RERG: variants seen among roughly 807,000 people sequenced by gnomAD.
RERG encodes ras-related and estrogen-regulated growth inhibitor.
A neutral mutation model predicts 23.2 loss-of-function variants in RERG; 25 were observed. The observed-to-expected ratio is 1.08, with a 90% CI of 0.79 to 1.50. The LOEUF is 1.50. RERG is among the 40% of genes most tolerant of loss of function. RERG has a pLI of 0.00. For missense variants in RERG, 253 were observed against 250.1 expected, an observed-to-expected ratio of 1.01 and a Z score of -0.08; for synonymous variants, 81 against 89.1, an observed-to-expected ratio of 0.91 and a Z score of 0.51.
In RERG at chr12:15,169,812, A is replaced by G. The variant is rs1591656480; in HGVS notation, c.61+47617T>C. ...TGGCCAGTACTAAACTTTGACTCTTAATGATTAAACCACACTCTTTAGGGA... is the reference window on the plus strand; with the variant it reads ...TGGCCAGTACTAAACTTTGACTCTTGATGATTAAACCACACTCTTTAGGGA... On this transcript the variant is annotated intron_variant, in intron 2 of 4. Coordinates refer to ENST00000256953, the MANE Select transcript of RERG (RefSeq NM_032918.3). Among the ~76,000 whole-genome samples, 3 of 152,228 alleles carry G rather than the reference A, an allele frequency of 2.0e-5. No homozygotes were observed. The South Asian group carries it at 6.2e-4, about 32-fold the overall frequency.
intron 2 of RERG, among the ~76,000 whole-genome samples, chr12:15,166,710 T>C (rs967911091): frequency 3.3e-5 from 5 of 152,206 alleles, no homozygotes; most frequent in Non-Finnish European, 7.3e-5. Context: ...GTTGCTTTCA[T>C]TGTTGTTGTT....
At chr12:15,118,124 G>C (rs1863764483) in intron 3 of RERG, among the ~76,000 whole-genome samples, 1 of 152,104 alleles carries the variant, frequency 6.6e-6, no homozygotes, top group African/African-American at 2.4e-5. Flanking sequence ...GTGGAGCGTA[G>C]GTTTAGTTCC....
At chr12:15,190,287 C>T (rs1865051928) in intron 2 of RERG, among the ~76,000 whole-genome samples, 2 of 151,880 alleles carry the variant, frequency 1.3e-5, no homozygotes, top group Admixed American at 6.6e-5. Flanking sequence ...ACAGAATACA[C>T]TAACATTAAT....
chr12:15,204,369 G>A (rs1009305778), intron 2 of RERG, among the ~76,000 whole-genome samples: 8 of 151,580 alleles, frequency 5.3e-5, no homozygotes, highest in Non-Finnish European at 8.9e-5. Context: ...TTCAGTATTC[G>A]TGTGCAAAAT....
At chr12:15,169,920 A>ATGTGTGTATGTG (rs1864752967) in intron 2 of RERG, among the ~76,000 whole-genome samples, 1 of 137,592 alleles carries the variant, frequency 7.3e-6, no homozygotes, top group Non-Finnish European at 1.6e-5. Context: ...TCTGCTAAAA[A>ATGTGTGTATGTG]TGTGTGTGTG....
At chr12:15,179,641 C>T (rs1381133121) in intron 2 of RERG, among the ~76,000 whole-genome samples, 1 of 152,140 alleles carries the variant, frequency 6.6e-6, no homozygotes, top group Non-Finnish European at 1.5e-5. Context: ...TGCCATGTAA[C>T]ATCTAAAAAT....
chr12:15,124,163 GT>G (rs1452911285), intron 2 of RERG, among the ~76,000 whole-genome samples: 1 of 152,028 alleles, frequency 6.6e-6, no homozygotes, highest in Non-Finnish European at 1.5e-5. Context: ...TAATCATTCA[GT>G]GGCATGATAT....
chr12:15,142,778 T>TA (rs901380551), intron 2 of RERG, among the ~76,000 whole-genome samples: 19 of 152,040 alleles, frequency 1.2e-4, no homozygotes, highest in East Asian at 9.7e-4. Context: ...TTAAACCACC[T>TA]AAAAAAAACC....
chr12:15,138,701 G>A (rs1160388567), intron 2 of RERG, among the ~76,000 whole-genome samples: 1 of 151,884 alleles, frequency 6.6e-6, no homozygotes, highest in Non-Finnish European at 1.5e-5. Context: ...TACTTGGGAT[G>A]TAAGTCCTTT....
intron 2 of RERG, among the ~76,000 whole-genome samples, chr12:15,200,540 A>T (rs1865201562): frequency 6.6e-6 from 1 of 152,012 alleles, no homozygotes; most frequent in South Asian, 2.1e-4. Context: ...TAGTTATCTG[A>T]TGGGATCCAA....
At chr12:15,211,284 TACACACAC>T (rs56263472) in intron 2 of RERG, among the ~76,000 whole-genome samples, 351 of 142,816 alleles carry the variant, frequency 2.5e-3, no homozygotes, top group South Asian at 0.011. Flanking sequence ...TGTCATTTTA[TACACACAC>T]ACACACACAC....
Position 15,109,445 on chromosome 12 carries a change from G to T in RERG, c.265C>A (p.Arg89=), listed in dbSNP as rs773343591. Residue 89 remains arginine (R), a synonymous_variant, in exon 5 of 5, where the codon CGA becomes AGA. Transcript: ENST00000256953. ...GGCAGCACTTCCTCAAAACTTCCTCGGTCAGTAATGTCGTAGACCAGCACA... is the reference window on the plus strand; with the variant it reads ...GGCAGCACTTCCTCAAAACTTCCTCTGTCAGTAATGTCGTAGACCAGCACA... ...GFVLVYDITD[R]GSFEEVLPLK... The T allele has an allele frequency of 6.2e-7, 1 of 1,613,804 alleles. No homozygotes were observed.
intron 2 of RERG, among the ~76,000 whole-genome samples, chr12:15,194,767 G>A (rs934170754): frequency 6.6e-6 from 1 of 152,132 alleles, no homozygotes; most frequent in African/African-American, 2.4e-5. Flanking sequence ...GCTGCAGGAT[G>A]TTGGGCTGAA....
intron 2 of RERG, among the ~76,000 whole-genome samples, chr12:15,193,792 G>A (rs1865105120): frequency 6.6e-6 from 1 of 152,144 alleles, no homozygotes; most frequent in African/African-American, 2.4e-5. Context: ...TTGTAAGTAA[G>A]AGAAAGTACA....
intron 2 of RERG, among the ~76,000 whole-genome samples, chr12:15,202,616 T>G (rs565039814): frequency 3.3e-5 from 5 of 151,898 alleles, no homozygotes; most frequent in African/African-American, 1.2e-4. Flanking sequence ...TTGTTGCAAA[T>G]GGTAGGATTT....
chr12:15,197,553 G>A (rs1477938979), intron 2 of RERG, among the ~76,000 whole-genome samples: 2 of 151,992 alleles, frequency 1.3e-5, no homozygotes. Context: ...ATAAAATAGG[G>A]GACTTAAAAT....
intron 2 of RERG, among the ~76,000 whole-genome samples, chr12:15,166,841 T>C (rs1864701771): frequency 6.6e-6 from 1 of 151,844 alleles, no homozygotes; most frequent in Admixed American, 6.6e-5. Context: ...GTCTGACACA[T>C]TATTGTTTTT....
chr12:15,143,296 T>G lies in RERG; in HGVS notation c.62-22177A>C, dbSNP rs140870462. On this transcript the variant is annotated intron_variant, in intron 2 of 4. Transcript: ENST00000256953. ...AAATATACATATACACATTCATATATGTACATATAATATACACACACACGT... is the reference window on the plus strand; with the variant it reads ...AAATATACATATACACATTCATATAGGTACATATAATATACACACACACGT... Among the ~76,000 whole-genome samples the G allele has an allele frequency of 6.7e-4, 102 of 151,782 alleles. 1 individual carries two copies. The highest frequency in any genetic ancestry group is 2.3e-3 in the African/African-American group (97 of 41,398).
intron 2 of RERG, among the ~76,000 whole-genome samples, chr12:15,136,193 C>T (rs774986131): frequency 3.9e-5 from 6 of 151,902 alleles, no homozygotes; most frequent in Non-Finnish European, 8.8e-5. Flanking sequence ...AATATTTGCC[C>T]ATATAGTATT....
Sources: allele counts gnomAD v4.1 joint callset (sites outside exome capture counted in the v4.1 genomes callset), GRCh38; gene constraint gnomAD v4.1.1; transcripts MANE v1.5; gene names NCBI Gene and HGNC (gene_info 2026-07-23, HGNC 2026-07-21).